The following CAMTA1 variants were observed in gnomAD, a reference collection of about 807,000 sequenced individuals.
CAMTA1 encodes calmodulin-binding transcription activator 1.
Under a neutral mutation model 170.9 loss-of-function variants are expected in CAMTA1, and 27 were observed. That is an observed-to-expected ratio of 0.16 (90% CI 0.12 to 0.22). The LOEUF (loss-of-function observed/expected upper bound fraction) is 0.22, where lower values mean the gene tolerates loss of function less well. Among genes scored for constraint, CAMTA1 ranks in the 10% least tolerant of loss-of-function variants. The probability of loss-of-function intolerance (pLI) is 1.00; values close to 1 mark genes in which losing one functional copy is unlikely to be tolerated. For synonymous variants in CAMTA1, 833 were observed against 891.5 expected (o/e 0.93, Z 1.17); for missense variants, 1,619 against 2,217.2 (o/e 0.73, Z 5.42).
At position 7,189,466 on chromosome 1, in the gene CAMTA1, G is replaced by C. The variant is rs1031196917; in HGVS notation, c.303-60025G>C. Among the ~76,000 whole-genome samples, 24 of 152,168 alleles carry C rather than the reference G, an allele frequency of 1.6e-4. 1 individual carries two copies. Among genetic ancestry groups the C allele is most frequent in the Admixed American group, 5.9e-4 (9 of 15,278 alleles). ...AACAAACAATCCCATCAGAAAGTAG[G>C]CTAAGGACATGAATAGAGAGTTCTC... On this transcript the variant is annotated intron_variant, in intron 4 of 22. Coordinates refer to ENST00000303635, the MANE Select transcript of CAMTA1 (RefSeq NM_015215.4).
chr1:6,950,385 G>T (rs1688274417), intron 3 of CAMTA1, among the ~76,000 whole-genome samples: 1 of 152,198 alleles, frequency 6.6e-6, no homozygotes, highest in South Asian at 2.1e-4. Flanking sequence ...GGCATCCAGA[G>T]CTGAGAGCTT....
At chr1:7,118,018 G>C (rs979109454) in intron 4 of CAMTA1, among the ~76,000 whole-genome samples, 2 of 152,130 alleles carry the variant, frequency 1.3e-5, no homozygotes, top group African/African-American at 4.8e-5. Context: ...TTCAGCCGAG[G>C]TGTTGGCTTA....
chr1:7,416,519 A>G (rs2091186906), intron 5 of CAMTA1, among the ~76,000 whole-genome samples: 3 of 152,072 alleles, frequency 2.0e-5, no homozygotes, highest in Non-Finnish European at 4.4e-5. Flanking sequence ...TTGATCTTCC[A>G]TCACTGATAC....
chr1:7,058,365 T>C (rs2101707791), intron 3 of CAMTA1, among the ~76,000 whole-genome samples: 1 of 152,294 alleles, frequency 6.6e-6, no homozygotes, highest in East Asian at 1.9e-4. Context: ...GAAAAAGACA[T>C]CCAAGCACTT....
At chr1:7,695,147 T>C (rs911826643) in intron 11 of CAMTA1, among the ~76,000 whole-genome samples, 1 of 152,070 alleles carries the variant, frequency 6.6e-6, no homozygotes, top group Admixed American at 6.6e-5. Context: ...CAGAGGTGCT[T>C]TGGAGCCAGC....
At chr1:7,102,144 G>T (rs1019793945) in intron 4 of CAMTA1, among the ~76,000 whole-genome samples, 1 of 152,104 alleles carries the variant, frequency 6.6e-6, no homozygotes, top group Admixed American at 6.5e-5. Context: ...GTCTTAGCGA[G>T]TTGAAATTTT....
intron 4 of CAMTA1, among the ~76,000 whole-genome samples, chr1:7,138,589 T>C (rs1055564077): frequency 6.6e-6 from 1 of 152,250 alleles, no homozygotes. Flanking sequence ...CGTCTTTTGA[T>C]GATGTTGTGG....
chr1:7,301,177 A>G (rs920079607), intron 5 of CAMTA1, among the ~76,000 whole-genome samples: 1 of 152,184 alleles, frequency 6.6e-6, no homozygotes, highest in African/African-American at 2.4e-5. Context: ...CCCGGCAGTA[A>G]TTCATCTGAA....
chr1:7,060,606 A>G (rs577195030), intron 3 of CAMTA1, among the ~76,000 whole-genome samples: 40 of 152,272 alleles, frequency 2.6e-4, no homozygotes, highest in African/African-American at 9.4e-4. Context: ...TTCTGCCTGT[A>G]CACGTGTCTT....
At chr1:7,107,673 G>A (rs969831471) in intron 4 of CAMTA1, among the ~76,000 whole-genome samples, 14 of 152,128 alleles carry the variant, frequency 9.2e-5, no homozygotes, top group Non-Finnish European at 2.1e-4. Flanking sequence ...GAGCCTGGCC[G>A]GGGCTCAGCC....
intron 5 of CAMTA1, among the ~76,000 whole-genome samples, chr1:7,304,444 A>G (rs922382692): frequency 1.3e-5 from 2 of 152,244 alleles, no homozygotes; most frequent in African/African-American, 4.8e-5. Context: ...ATTATAGAAG[A>G]GGACAGTTTA....
In CAMTA1 at chr1:7,682,686, T is replaced by C. The variant is rs1450590758; in HGVS notation, c.2914+4953T>C. ...GGACAGTGGGAAAGGCCATTCTAGC[T>C]GGGACACTGGTCCCTGGGAGGCCTC... On this transcript the variant is annotated intron_variant, in intron 11 of 22. Coordinates refer to ENST00000303635, the MANE Select transcript of CAMTA1 (RefSeq NM_015215.4). The surrounding 1 kb of genome is among the most constrained non-coding windows in gnomAD (Gnocchi z 5.0). Among the ~76,000 whole-genome samples, 1 of 152,208 alleles carries C rather than the reference T, an allele frequency of 6.6e-6. No homozygotes were observed. The highest frequency in any genetic ancestry group is 2.4e-5 in the African/African-American group (1 of 41,456).
At chr1:6,862,069 TCTC>T (rs1664928933) in intron 3 of CAMTA1, among the ~76,000 whole-genome samples, 1 of 152,004 alleles carries the variant, frequency 6.6e-6, no homozygotes, top group African/African-American at 2.4e-5. Flanking sequence ...TTCAAGCTAT[TCTC>T]CTGCCTCAGC....
intron 3 of CAMTA1, among the ~76,000 whole-genome samples, chr1:7,002,986 G>A (rs1296633571): frequency 6.6e-6 from 1 of 152,062 alleles, no homozygotes. Context: ...TAAAGAGCAT[G>A]GTAAATTGCT....
intron 6 of CAMTA1, among the ~76,000 whole-genome samples, chr1:7,493,285 G>GTACACACGCATGCACA (rs2093761141): frequency 7.0e-6 from 1 of 143,578 alleles, no homozygotes; most frequent in Admixed American, 7.0e-5. Flanking sequence ...ACATACACGC[G>GTACACACGCATGCACA]CACAAACACA....
rs1297947976 is a variant in CAMTA1, at chr1:7,293,834, A to T, written c.438+44208A>T. On this transcript the variant is annotated intron_variant, in intron 5 of 22. Coordinates refer to ENST00000303635, the MANE Select transcript of CAMTA1 (RefSeq NM_015215.4). The surrounding 1 kb of genome is among the most constrained non-coding windows in gnomAD (Gnocchi z 4.1). The stretch of plus-strand genomic sequence containing the variant: ...CCCGTGCCCCTCGCTTTTCTCTGAA[A>T]ACTCGGCATGCCCCGGGGGGCCTCT... Among the ~76,000 whole-genome samples, 3 of 152,254 alleles carry T rather than the reference A, an allele frequency of 2.0e-5. No individual in the cohort carries two copies. The highest frequency in any genetic ancestry group is 7.2e-5 in the African/African-American group (3 of 41,554).
chr1:7,288,932 G>A (rs935974531), intron 5 of CAMTA1, among the ~76,000 whole-genome samples: 3 of 152,160 alleles, frequency 2.0e-5, no homozygotes, highest in Non-Finnish European at 2.9e-5. Flanking sequence ...AAGAAAAGAA[G>A]TTTAATTGGC....
chr1:7,109,533 A>G lies in CAMTA1; in HGVS notation c.302+18162A>G, dbSNP rs1643887935. Among the ~76,000 whole-genome samples, 3 of 152,316 alleles carry G rather than the reference A, an allele frequency of 2.0e-5. No individual in the cohort carries two copies. The South Asian group carries it at 6.2e-4, about 32-fold the overall frequency. On this transcript the variant is annotated intron_variant, in intron 4 of 22. Transcript: ENST00000303635. Reference sequence around the variant, plus strand: ...GAGCAGACATCACTACCCATGGTACAATCTTCTGTGAGCTGGGTGCACCCT... The same window carrying G: ...GAGCAGACATCACTACCCATGGTACGATCTTCTGTGAGCTGGGTGCACCCT...
chr1:7,110,739 C>T (rs974942338), intron 4 of CAMTA1, among the ~76,000 whole-genome samples: 3 of 152,220 alleles, frequency 2.0e-5, no homozygotes, highest in Admixed American at 1.3e-4. Flanking sequence ...CTCGGGTTCA[C>T]CCGTGATCCC....
Sources: gnomAD v4.1 joint callset for allele counts (sites outside exome capture counted in the v4.1 genomes callset) on GRCh38, gnomAD v4.1.1 for gene constraint, Gnocchi (gnomAD v3.1) non-coding constraint, MANE v1.5 for transcripts, NCBI Gene and HGNC (gene_info 2026-07-23, HGNC 2026-07-21) for gene names.